The following KCNMA1 variants were observed in gnomAD, a reference collection of about 807,000 sequenced individuals.
The protein encoded by KCNMA1 is Calcium-activated potassium channel subunit alpha-1.
In KCNMA1, 29 loss-of-function variants were observed where a neutral mutation model predicts 140.0. The observed-to-expected ratio is 0.21, with a 90% CI of 0.15 to 0.28. KCNMA1 has a LOEUF of 0.28. Ranked by LOEUF, KCNMA1 falls within the 10% of genes least tolerant of loss-of-function variation. The pLI is 1.00. For synonymous variants in KCNMA1, 612 were observed against 611.9 expected, an observed-to-expected ratio of 1.00 and a Z score of 0.00; for missense variants, 880 against 1,602.2, an observed-to-expected ratio of 0.55 and a Z score of 7.70.
chr10:77,026,668 T>C (rs914397919), intron 16 of KCNMA1, among the ~76,000 whole-genome samples: 2 of 152,242 alleles, frequency 1.3e-5, no homozygotes, highest in East Asian at 3.8e-4. Flanking sequence ...TTTTGGTTGA[T>C]TTGGGTTTTC....
chr10:76,885,392 G>C lies in KCNMA1; in HGVS notation c.*1874C>G. ...ACAATTATTCCCCACCACAATACTG[G>C]TTTGAATACTACGCTGCCCCTGTCT... On this transcript the variant is annotated 3_prime_UTR_variant, in exon 28 of 28. Transcript: ENST00000286628. The C allele has an allele frequency of 4.1e-6, 4 of 984,854 alleles. No homozygotes were observed. Among genetic ancestry groups the C allele is most frequent in the Non-Finnish European group, 4.8e-6 (4 of 829,652 alleles). The allele number at this position is 984,854 out of a possible 1,614,324, so 61.0% of individuals were successfully genotyped here.
chr10:77,143,361 C>T (rs1372831524), intron 5 of KCNMA1, among the ~76,000 whole-genome samples: 1 of 151,918 alleles, frequency 6.6e-6, no homozygotes, highest in African/African-American at 2.4e-5. Context: ...AATAATGAAA[C>T]TATGTTGTGT....
At chr10:77,180,334 T>C (rs978442288) in intron 5 of KCNMA1, among the ~76,000 whole-genome samples, 11 of 152,250 alleles carry the variant, frequency 7.2e-5, no homozygotes, top group African/African-American at 2.7e-4. Context: ...TTTCACAATG[T>C]AATAACCCAT....
chr10:76,954,205 C>A (rs2067294281), intron 20 of KCNMA1, among the ~76,000 whole-genome samples: 1 of 152,048 alleles, frequency 6.6e-6, no homozygotes. Flanking sequence ...GATTCAGCCT[C>A]CCTTTTTAAG....
At chr10:77,278,640 C>T (rs1732092763) in intron 2 of KCNMA1, among the ~76,000 whole-genome samples, 1 of 152,126 alleles carries the variant, frequency 6.6e-6, no homozygotes, top group Non-Finnish European at 1.5e-5. Flanking sequence ...ATTTTCTCTG[C>T]CATATGCGGT....
chr10:77,018,432 T>A (rs979496161), intron 17 of KCNMA1, among the ~76,000 whole-genome samples: 1 of 152,068 alleles, frequency 6.6e-6, no homozygotes, highest in African/African-American at 2.4e-5. Flanking sequence ...CTTAAACAGG[T>A]TTAAGGATAC....
intron 1 of KCNMA1, among the ~76,000 whole-genome samples, chr10:77,418,956 A>G (rs934983941): frequency 4.6e-5 from 7 of 152,154 alleles, no homozygotes; most frequent in Non-Finnish European, 2.9e-5. Flanking sequence ...GATTTTAACC[A>G]GAGGGTAATT....
In KCNMA1 at chr10:77,011,885, C is replaced by T. The variant is rs578218578; in HGVS notation, c.2092+82G>A. On this transcript the variant is annotated intron_variant, in intron 18 of 27. Coordinates refer to ENST00000286628, the MANE Select transcript of KCNMA1 (RefSeq NM_001161352.2). ...AGAAAACTCTCGATGTTTAGTGTTT[C>T]TCTAATAAGAAAAGGGAAGGAAAAG... 4 of 1,207,074 alleles carry T rather than the reference C, an allele frequency of 3.3e-6. No individual in the cohort carries two copies. The African/African-American group carries it at 6.0e-5, about 18-fold the overall frequency. The allele number at this position is 1,207,074 out of a possible 1,614,324, so 74.8% of individuals were successfully genotyped here.
At chr10:77,244,082 T>C (rs924147813) in intron 3 of KCNMA1, among the ~76,000 whole-genome samples, 1 of 152,060 alleles carries the variant, frequency 6.6e-6, no homozygotes, top group Non-Finnish European at 1.5e-5. Flanking sequence ...ATTCAATGAG[T>C]AGGTTATCAT....
At position 76,986,674 on chromosome 10, in the gene KCNMA1, A is replaced by G. The variant is rs575823095; in HGVS notation, c.2266+14733T>C. Reference sequence around the variant, plus strand: ...TGAGATAAGGTCTAGGCCATTGGCTAGGGTCTGAACAATTAAAGGTGCACA... The same window carrying G: ...TGAGATAAGGTCTAGGCCATTGGCTGGGGTCTGAACAATTAAAGGTGCACA... On this transcript the variant is annotated intron_variant, in intron 19 of 27. Transcript: ENST00000286628. Among the ~76,000 whole-genome samples, 38 of 152,382 alleles carry G rather than the reference A, an allele frequency of 2.5e-4. No homozygotes were observed. In the South Asian group the frequency reaches 7.9e-3, roughly 32 times the overall value.
chr10:77,365,637 C>T (rs2094300821), intron 2 of KCNMA1, among the ~76,000 whole-genome samples: 2 of 152,158 alleles, frequency 1.3e-5, no homozygotes, highest in African/African-American at 4.8e-5. Flanking sequence ...CGTTTTGTTT[C>T]CTCTTTTCTT....
chr10:76,993,922 C>G (rs1287073395), intron 19 of KCNMA1, among the ~76,000 whole-genome samples: 1 of 152,242 alleles, frequency 6.6e-6, no homozygotes, highest in African/African-American at 2.4e-5. Context: ...AGGAGGCCCC[C>G]CCAGGACTCT....
intron 5 of KCNMA1, among the ~76,000 whole-genome samples, chr10:77,123,266 T>G (rs2097664731): frequency 6.7e-6 from 1 of 149,580 alleles, no homozygotes; most frequent in African/African-American, 2.5e-5. Flanking sequence ...AAACAGAATT[T>G]GACCCAAGAT....
chr10:77,054,639 T>C (rs1210935892), intron 14 of KCNMA1, among the ~76,000 whole-genome samples: 1 of 152,228 alleles, frequency 6.6e-6, no homozygotes, highest in African/African-American at 2.4e-5. Flanking sequence ...ACAGGACCCC[T>C]GTATTTCTCC....
chr10:77,437,621 C>T (rs2097292469), intron 1 of KCNMA1, among the ~76,000 whole-genome samples: 1 of 152,178 alleles, frequency 6.6e-6, no homozygotes, highest in Non-Finnish European at 1.5e-5. Flanking sequence ...AACCTATCCC[C>T]AGGCCCCCTG....
downstream of KCNMA1, among the ~76,000 whole-genome samples, chr10:76,881,199 G>A (rs1180198178): frequency 6.6e-6 from 1 of 152,194 alleles, no homozygotes; most frequent in African/African-American, 2.4e-5. Context: ...TGCGGGCTAA[G>A]GAGACAGCGC....
intron 2 of KCNMA1, among the ~76,000 whole-genome samples, chr10:77,258,610 G>A (rs1016669378): frequency 5.9e-5 from 9 of 152,152 alleles, no homozygotes; most frequent in African/African-American, 1.9e-4. Flanking sequence ...TCTCTTTACT[G>A]TTTAGCAAGT....
At chr10:77,153,003 G>A (rs1238169874) in intron 5 of KCNMA1, among the ~76,000 whole-genome samples, 1 of 152,166 alleles carries the variant, frequency 6.6e-6, no homozygotes, top group Non-Finnish European at 1.5e-5. Context: ...CCATGCATCA[G>A]GTAGAATACA....
intron 25 of KCNMA1, among the ~76,000 whole-genome samples, chr10:76,909,585 C>G (rs1028596166): frequency 2.0e-5 from 3 of 152,140 alleles, no homozygotes; most frequent in Non-Finnish European, 4.4e-5. Context: ...TCAGGTCCCC[C>G]CCAACACCAG....
Sources: gnomAD v4.1 joint callset for allele counts (sites outside exome capture counted in the v4.1 genomes callset) on GRCh38, gnomAD v4.1.1 for gene constraint, MANE v1.5 for transcripts, NCBI Gene and HGNC (gene_info 2026-07-23, HGNC 2026-07-21) for gene names.